MAMDC2: variants seen among roughly 807,000 people sequenced by gnomAD.
MAMDC2 encodes MAM domain-containing protein 2.
A neutral mutation model predicts 89.8 loss-of-function variants in MAMDC2; 57 were observed. The ratio of observed to expected loss-of-function variants is 0.63; its 90% CI spans 0.51 to 0.79. The LOEUF (loss-of-function observed/expected upper bound fraction) is 0.79, where lower values mean the gene tolerates loss of function less well. Ranked by LOEUF, MAMDC2 falls within the 30% of genes least tolerant of loss-of-function variation. MAMDC2 has a pLI of 0.00. For synonymous variants in MAMDC2, 313 were observed against 293.4 expected (o/e 1.07, Z -0.68); for missense variants, 800 against 820.6 (o/e 0.97, Z 0.31).
chr9:70,137,631 A>G (rs1035841724), intron 7 of MAMDC2, among the ~76,000 whole-genome samples: 3 of 152,178 alleles, frequency 2.0e-5, no homozygotes, highest in African/African-American at 7.2e-5. Flanking sequence ...CAAATTGAGA[A>G]TATAGTAAGT....
At chr9:70,169,914 C>T (rs995643830) in intron 10 of MAMDC2, 1 of 152,122 alleles carries the variant, frequency 6.6e-6, no homozygotes, top group Admixed American at 6.6e-5. Context: ...TCATTTAATC[C>T]TCACAGACCC....
intron 2 of MAMDC2, among the ~76,000 whole-genome samples, chr9:70,069,264 G>C (rs1017937394): frequency 6.6e-6 from 1 of 152,156 alleles, no homozygotes; most frequent in Non-Finnish European, 1.5e-5. Context: ...TGTTAACATA[G>C]TTATTACTTT....
intron 4 of MAMDC2, among the ~76,000 whole-genome samples, chr9:70,110,979 G>C (rs928826398): frequency 2.2e-4 from 34 of 152,228 alleles, no homozygotes; most frequent in African/African-American, 8.2e-4. Context: ...AAAAGCCTTT[G>C]CTAATTCCCT....
intron 9 of MAMDC2, among the ~76,000 whole-genome samples, chr9:70,158,709 T>C (rs1927122): frequency 0.79 from 119,296 of 151,800 alleles, 47,000 homozygotes; most frequent in Admixed American, 0.83. Context: ...GAAATGTGTT[T>C]GTTAGGCAAT....
chr9:70,200,318 C>T (rs1488180649), intron 11 of MAMDC2, among the ~76,000 whole-genome samples: 2 of 147,098 alleles, frequency 1.4e-5, no homozygotes, highest in African/African-American at 2.5e-5. Context: ...AATCCTTTCC[C>T]CATTGCTTGT....
At chr9:70,055,474 T>C (rs964717202) in intron 2 of MAMDC2, among the ~76,000 whole-genome samples, 12 of 152,168 alleles carry the variant, frequency 7.9e-5, no homozygotes, top group Non-Finnish European at 5.9e-5. Context: ...AGTTGGATGA[T>C]GCTTTTGTTA....
chr9:70,226,700 A>C lies in MAMDC2; in HGVS notation c.*668A>C, dbSNP rs2033644159. ...CCCCCTTTGAACTACCTTTGAAGTC[A>C]CTATGAGCACATGGATAGAAATTTA... is the stretch of plus-strand genomic sequence containing the variant. On this transcript the variant is annotated 3_prime_UTR_variant, in exon 14 of 14. Transcript: ENST00000377182. 3 of 152,426 alleles carry C rather than the reference A, an allele frequency of 2.0e-5. No homozygotes were observed. The highest frequency in any genetic ancestry group is 6.5e-5 in the Admixed American group (1 of 15,268). The allele number at this position is 152,426 out of a possible 1,614,324, so 9.4% of individuals were successfully genotyped here. A position where few individuals can be genotyped will look rare whatever the true frequency, so the allele number is the denominator to read the frequency against.
chr9:70,224,047 G>C (rs1185809041), intron 12 of MAMDC2, among the ~76,000 whole-genome samples: 1 of 151,974 alleles, frequency 6.6e-6, no homozygotes, highest in Non-Finnish European at 1.5e-5. Flanking sequence ...AGACTTGAAG[G>C]CCAAAAAAAC....
chr9:70,094,194 G>A (rs1827971573), intron 2 of MAMDC2, among the ~76,000 whole-genome samples: 1 of 152,226 alleles, frequency 6.6e-6, no homozygotes. Context: ...GCTATGATAT[G>A]AGGATAATTT....
At chr9:70,214,299 A>C (rs1472550932) in intron 11 of MAMDC2, among the ~76,000 whole-genome samples, 4 of 152,220 alleles carry the variant, frequency 2.6e-5, no homozygotes, top group Admixed American at 2.6e-4. Flanking sequence ...CAAAGACTTA[A>C]AGGAGGTAAG....
intron 2 of MAMDC2, among the ~76,000 whole-genome samples, chr9:70,103,490 A>G (rs955915908): frequency 6.6e-6 from 1 of 152,146 alleles, no homozygotes; most frequent in Non-Finnish European, 1.5e-5. Flanking sequence ...ACGGGCAAAA[A>G]TTAGATCAAA....
intron 7 of MAMDC2, 65 bp downstream of exon 7, chr9:70,131,677 G>A: frequency 8.3e-7 from 1 of 1,208,510 alleles, no homozygotes; most frequent in Non-Finnish European, 1.2e-6. Context: ...TTTGTGGTCA[G>A]AACTTGTTTT....
At chr9:70,095,974 A>G (rs1211977396) in intron 2 of MAMDC2, among the ~76,000 whole-genome samples, 1 of 152,086 alleles carries the variant, frequency 6.6e-6, no homozygotes, top group Non-Finnish European at 1.5e-5. Context: ...TCCCCAGAAA[A>G]CATGTCCTGT....
chr9:70,186,170 T>C (rs1446813948), intron 11 of MAMDC2, among the ~76,000 whole-genome samples: 1 of 152,164 alleles, frequency 6.6e-6, no homozygotes, highest in Non-Finnish European at 1.5e-5. Context: ...CTAAAAAGTA[T>C]TCTATATTTA....
intron 9 of MAMDC2, among the ~76,000 whole-genome samples, chr9:70,164,411 C>A (rs1298968680): frequency 6.6e-6 from 1 of 152,160 alleles, no homozygotes; most frequent in Non-Finnish European, 1.5e-5. Flanking sequence ...GCTCTCCTTT[C>A]ATTGCCTGTT....
intron 9 of MAMDC2, among the ~76,000 whole-genome samples, chr9:70,152,793 T>C (rs1036170062): frequency 2.0e-5 from 3 of 152,282 alleles, no homozygotes; most frequent in East Asian, 3.9e-4. Context: ...CTTTCATGTG[T>C]AAAATGGGTA....
chr9:70,128,272 C>T (rs2030650239), intron 6 of MAMDC2, among the ~76,000 whole-genome samples: 1 of 152,228 alleles, frequency 6.6e-6, no homozygotes, highest in Admixed American at 6.5e-5. Flanking sequence ...TCTTTCCCCA[C>T]CGGCTCAGTG....
rs545088217 is a variant in MAMDC2, at chr9:70,095,962, T to C, written c.149-12249T>C. ...CTGCTAGGATGAACAACACTGTCAGTTTCCCCAGAAAACATGTCCTGTTCC... is the reference window on the plus strand; with the variant it reads ...CTGCTAGGATGAACAACACTGTCAGCTTCCCCAGAAAACATGTCCTGTTCC... On this transcript the variant is annotated intron_variant, in intron 2 of 13. Transcript: ENST00000377182. 1.5e-4 allele frequency among the ~76,000 whole-genome samples: 23 copies of C among 152,246 alleles called. No homozygotes were observed. In the East Asian group the frequency reaches 3.5e-3, roughly 23 times the overall value.
chr9:70,141,605 A>T (rs1406786034), intron 8 of MAMDC2, among the ~76,000 whole-genome samples: 3 of 152,222 alleles, frequency 2.0e-5, no homozygotes, highest in Non-Finnish European at 4.4e-5. Context: ...GATTAACAAG[A>T]AAAAAATACA....
Sources: allele counts gnomAD v4.1 joint callset (sites outside exome capture counted in the v4.1 genomes callset), GRCh38; gene constraint gnomAD v4.1.1; transcripts MANE v1.5; gene names NCBI Gene and HGNC (gene_info 2026-07-23, HGNC 2026-07-21).